Variants in PPARG observed in about 807,000 individuals in gnomAD.
PPARG encodes peroxisome proliferator-activated receptor gamma.
Under a neutral mutation model 39.2 loss-of-function variants are expected in PPARG, and 17 were observed. The observed-to-expected ratio is 0.43, with a 90% confidence interval of 0.30 to 0.65. The LOEUF is 0.65. PPARG is among the 30% of genes least tolerant of loss of function. The pLI, the probability that PPARG is intolerant of heterozygous loss-of-function variation, is 0.13. For synonymous variants in PPARG, 223 were observed against 215.7 expected (o/e 1.03, Z -0.30); for missense variants, 406 against 585.9 (o/e 0.69, Z 3.17).
chr3:12,309,082 T>C (rs951658341), intron 1 of PPARG, among the ~76,000 whole-genome samples: 2 of 152,228 alleles, frequency 1.3e-5, no homozygotes, highest in African/African-American at 4.8e-5. Flanking sequence ...GAAGACCATA[T>C]GCAAATTTAT....
chr3:12,355,625 CTG>C (rs746515387), intron 2 of PPARG, among the ~76,000 whole-genome samples: 1 of 152,144 alleles, frequency 6.6e-6, no homozygotes, highest in African/African-American at 2.4e-5. Context: ...CTGAAAATCA[CTG>C]TTTTTCTGAA....
chr3:12,291,363 A>G (rs1227740650), intron 1 of PPARG, among the ~76,000 whole-genome samples: 1 of 152,284 alleles, frequency 6.6e-6, no homozygotes, highest in Non-Finnish European at 1.5e-5. Flanking sequence ...GTTGTGAACA[A>G]CCATCTTGCA....
At chr3:12,375,378 C>T (rs1250496912) in intron 2 of PPARG, among the ~76,000 whole-genome samples, 1 of 152,138 alleles carries the variant, frequency 6.6e-6, no homozygotes, top group Non-Finnish European at 1.5e-5. Flanking sequence ...CAATTTCTCT[C>T]CCACCCCAGA....
intron 6 of PPARG, among the ~76,000 whole-genome samples, chr3:12,409,938 T>A (rs1242786224): frequency 6.6e-6 from 1 of 152,208 alleles, no homozygotes; most frequent in Non-Finnish European, 1.5e-5. Flanking sequence ...CACTTGCACC[T>A]TTCAAAATGG....
intron 5 of PPARG, 51 bp downstream of exon 5, chr3:12,392,803 A>T: frequency 2.5e-6 from 4 of 1,608,726 alleles, no homozygotes; most frequent in Non-Finnish European, 3.4e-6. Context: ...TATAGCTGCC[A>T]GACCAGTGGA....
intron 1 of PPARG, among the ~76,000 whole-genome samples, chr3:12,292,532 G>A (rs2046672926): frequency 6.6e-6 from 1 of 152,156 alleles, no homozygotes; most frequent in Non-Finnish European, 1.5e-5. Flanking sequence ...TAGTGTTTTA[G>A]TGGCTTGAAA....
At chr3:12,347,673 G>A (rs1053584266) in intron 2 of PPARG, among the ~76,000 whole-genome samples, 12 of 152,170 alleles carry the variant, frequency 7.9e-5, no homozygotes, top group South Asian at 2.1e-4. Context: ...TCTGGCTTCC[G>A]TGGGAGCATC....
At chr3:12,303,538 C>T (rs142981027) in intron 1 of PPARG, among the ~76,000 whole-genome samples, 1 of 152,252 alleles carries the variant, frequency 6.6e-6, no homozygotes, top group African/African-American at 2.4e-5. Flanking sequence ...CAGTGTTCCA[C>T]CCCTTGTGCT....
At chr3:12,289,409 G>A (rs1411938453) in intron 1 of PPARG, among the ~76,000 whole-genome samples, 3 of 152,178 alleles carry the variant, frequency 2.0e-5, no homozygotes, top group Non-Finnish European at 4.4e-5. Context: ...GTTTATTTGT[G>A]TAAATTATCA....
At chr3:12,371,804 G>A in intron 2 of PPARG, 2 of 634,652 alleles carry the variant, frequency 3.2e-6, no homozygotes, top group South Asian at 3.0e-5. Flanking sequence ...TTCTTTATCT[G>A]TCAAATGAGA....
chr3:12,335,254 A>G (rs2047978298), intron 2 of PPARG, among the ~76,000 whole-genome samples: 1 of 152,218 alleles, frequency 6.6e-6, no homozygotes, highest in Non-Finnish European at 1.5e-5. Flanking sequence ...TAGTAATTCC[A>G]GAATATAATC....
At chr3:12,328,203 T>G in intron 2 of PPARG, 1 of 1,470,104 alleles carries the variant, frequency 6.8e-7, no homozygotes, top group Non-Finnish European at 9.5e-7. Context: ...ACAGAAAAAG[T>G]CCTACCTGGA....
At position 12,361,244 on chromosome 3, in the gene PPARG, T is replaced by C. The variant is rs1180709617; in HGVS notation, c.-8-18460T>C. Among the ~76,000 whole-genome samples, 4 of 152,354 alleles carry C rather than the reference T, an allele frequency of 2.6e-5. No individual in the cohort carries two copies. The East Asian group carries it at 5.8e-4, about 22-fold the overall frequency. On this transcript the variant is annotated intron_variant, in intron 2 of 7. Transcript: ENST00000651735. ...TTCAAGTCTTTCACCCATTTTTATATTGAGTACTTTAGGTAAACGTTCTAA... is the reference window on the plus strand; with the variant it reads ...TTCAAGTCTTTCACCCATTTTTATACTGAGTACTTTAGGTAAACGTTCTAA...
intron 2 of PPARG, among the ~76,000 whole-genome samples, chr3:12,375,216 G>C (rs916493303): frequency 1.3e-5 from 2 of 152,016 alleles, no homozygotes; most frequent in African/African-American, 4.8e-5. Flanking sequence ...GTGAGATGCT[G>C]TCTCTTTAAA....
At chr3:12,310,791 TA>T (rs761238501) in intron 1 of PPARG, among the ~76,000 whole-genome samples, 5,804 of 50,338 alleles carry the variant, frequency 0.12, 130 homozygotes, top group Non-Finnish European at 0.12. Context: ...GCCTTAAATG[TA>T]AAAAAAAAAA....
At chr3:12,360,574 C>CCAA (rs544054568) in intron 2 of PPARG, among the ~76,000 whole-genome samples, 2 of 126,814 alleles carry the variant, frequency 1.6e-5, no homozygotes, top group Non-Finnish European at 3.3e-5. Context: ...AGCACCCAGA[C>CCAA]AAAAAAAAAA....
At chr3:12,308,972 C>T (rs1231833116) in intron 1 of PPARG, among the ~76,000 whole-genome samples, 8 of 151,882 alleles carry the variant, frequency 5.3e-5, no homozygotes, top group South Asian at 2.1e-4. Context: ...TGAATTAAAC[C>T]GAGAAGCAGA....
chr3:12,412,736 G>A (rs746476049), intron 6 of PPARG, among the ~76,000 whole-genome samples: 7 of 152,108 alleles, frequency 4.6e-5, no homozygotes, highest in South Asian at 4.1e-4. Flanking sequence ...GGGAAGGGCC[G>A]AAGCAATTTT....
At chr3:12,289,286 G>A (rs1473238320) in intron 1 of PPARG, among the ~76,000 whole-genome samples, 152 bp downstream of exon 1, 2 of 152,166 alleles carry the variant, frequency 1.3e-5, no homozygotes, top group Non-Finnish European at 2.9e-5. Flanking sequence ...TAGGCTAACG[G>A]TTGTAAAAAT....
Sources: gnomAD v4.1 joint callset for allele counts (sites outside exome capture counted in the v4.1 genomes callset) on GRCh38, gnomAD v4.1.1 for gene constraint, MANE v1.5 for transcripts, NCBI Gene and HGNC (gene_info 2026-07-23, HGNC 2026-07-21) for gene names.